Variants in PTPRG observed in about 807,000 individuals in gnomAD.
PTPRG encodes receptor-type tyrosine-protein phosphatase gamma.
PTPRG carries 102 observed loss-of-function variants against 165.3 expected under a neutral mutation model. That is an observed-to-expected ratio of 0.62 (90% CI 0.53 to 0.73). The LOEUF is 0.73. Among genes scored for constraint, PTPRG ranks in the 30% least tolerant of loss-of-function variants. PTPRG has a pLI of 0.00. For missense variants in PTPRG, 1,866 were observed against 1,861.4 expected (o/e 1.00, Z -0.05); for synonymous variants, 675 against 669.5 (o/e 1.01, Z -0.13).
chr3:61,666,498 C>G (rs927969588), intron 1 of PTPRG, among the ~76,000 whole-genome samples: 12 of 152,328 alleles, frequency 7.9e-5, no homozygotes, highest in Admixed American at 1.3e-4. Context: ...CCTAGCCTCT[C>G]TGTGCCATCT....
At chr3:61,941,548 A>T (rs1484270893) in intron 2 of PTPRG, among the ~76,000 whole-genome samples, 1 of 152,134 alleles carries the variant, frequency 6.6e-6, no homozygotes, top group African/African-American at 2.4e-5. Flanking sequence ...TCTTGAACCC[A>T]GGAGGCGGAG....
chr3:62,154,655 G>C (rs879267798), intron 6 of PTPRG, among the ~76,000 whole-genome samples: 1 of 152,130 alleles, frequency 6.6e-6, no homozygotes, highest in African/African-American at 2.4e-5. Flanking sequence ...TGGGGGCTCG[G>C]CTGCCAGGGG....
At chr3:61,690,370 C>T (rs1476035540) in intron 1 of PTPRG, among the ~76,000 whole-genome samples, 2 of 152,282 alleles carry the variant, frequency 1.3e-5, no homozygotes, top group Non-Finnish European at 2.9e-5. Flanking sequence ...TCACTTGCTG[C>T]TTTTCTCCAG....
In PTPRG at chr3:62,121,412, T is replaced by C. The variant is rs141967517; in HGVS notation, c.616-11190T>C. Among the ~76,000 whole-genome samples, 337 of 152,242 alleles carry C rather than the reference T, an allele frequency of 2.2e-3. 2 individuals are homozygous for C. The highest frequency in any genetic ancestry group is 7.6e-3 in the African/African-American group (315 of 41,518). On this transcript the variant is annotated intron_variant, in intron 5 of 29. Transcript: ENST00000474889. ...GATCTCAACATTACATATGAGGAAA[T>C]TGAGGCACAACTAGATTGTAATTCA...
At chr3:62,104,747 TG>T (rs1396330793) in intron 5 of PTPRG, among the ~76,000 whole-genome samples, 1 of 152,240 alleles carries the variant, frequency 6.6e-6, no homozygotes, top group Non-Finnish European at 1.5e-5. Context: ...GACCTTCCCA[TG>T]TGCATTACTA....
intron 2 of PTPRG, among the ~76,000 whole-genome samples, chr3:61,933,690 C>G (rs958776586): frequency 3.3e-5 from 5 of 151,620 alleles, no homozygotes; most frequent in African/African-American, 1.2e-4. Context: ...GACGCCCCTT[C>G]CACTGCTCTC....
chr3:61,873,122 T>G (rs2037628258), intron 2 of PTPRG, among the ~76,000 whole-genome samples: 1 of 152,204 alleles, frequency 6.6e-6, no homozygotes, highest in South Asian at 2.1e-4. Flanking sequence ...ATTTCTATGC[T>G]GTTAGGATCA....
chr3:61,767,971 CAAAAAA>C (rs35466366), intron 2 of PTPRG, among the ~76,000 whole-genome samples: 3 of 104,184 alleles, frequency 2.9e-5, no homozygotes, highest in Admixed American at 1.1e-4. Flanking sequence ...GACCCTGTCT[CAAAAAA>C]AAAAAAAAAA....
intron 2 of PTPRG, among the ~76,000 whole-genome samples, chr3:61,960,235 C>T (rs1311728496): frequency 6.6e-6 from 1 of 151,940 alleles, no homozygotes; most frequent in East Asian, 1.9e-4. Flanking sequence ...GATCTCGGTG[C>T]TTGGTATCCA....
chr3:62,062,416 C>T (rs1700847037), intron 4 of PTPRG, among the ~76,000 whole-genome samples: 1 of 152,014 alleles, frequency 6.6e-6, no homozygotes, highest in East Asian at 1.9e-4. Context: ...GTGTTCACAG[C>T]AAAATTCTTT....
At chr3:61,589,204 GC>G (rs759691788) in intron 1 of PTPRG, among the ~76,000 whole-genome samples, 35 of 152,098 alleles carry the variant, frequency 2.3e-4, no homozygotes, top group Non-Finnish European at 4.3e-4. Context: ...TATTGAAATA[GC>G]CGTATCTGTT....
At chr3:61,590,599 T>G (rs1174938033) in intron 1 of PTPRG, among the ~76,000 whole-genome samples, 1 of 152,210 alleles carries the variant, frequency 6.6e-6, no homozygotes, top group Non-Finnish European at 1.5e-5. Flanking sequence ...TGTTGACTAC[T>G]TCCCTCTTGT....
chr3:62,083,285 A>G (rs1216535840), intron 5 of PTPRG, among the ~76,000 whole-genome samples: 1 of 148,044 alleles, frequency 6.8e-6, no homozygotes, highest in Middle Eastern at 3.2e-3. Flanking sequence ...CTTTTTGTGG[A>G]GAACGGGGTC....
Position 62,203,178 on chromosome 3 carries a change from A to T in PTPRG, c.1383A>T (p.Thr461=). The change falls in exon 12 of 30, where the codon ACA becomes ACT. Residue 461 remains threonine, a synonymous_variant. Coordinates refer to ENST00000474889, the MANE Select transcript of PTPRG (RefSeq NM_002841.4). This position sits in a 1 kb window ranked among gnomAD's most constrained non-coding sequence, Gnocchi z 6.4. ...GTRIVKTGVP[T]ASPASSADMA... ...TGCCGGGTGACCCTTTCCAGCCCACAGCGTCTCCTGCCTCTTCAGCCGACA... is the reference window on the plus strand; with the variant it reads ...TGCCGGGTGACCCTTTCCAGCCCACTGCGTCTCCTGCCTCTTCAGCCGACA... 1 of 1,583,024 alleles carries T rather than the reference A, an allele frequency of 6.3e-7. No individual in the cohort carries two copies.
intron 2 of PTPRG, among the ~76,000 whole-genome samples, chr3:61,859,553 C>T (rs2037202304): frequency 6.6e-6 from 1 of 151,850 alleles, no homozygotes; most frequent in South Asian, 2.1e-4. Flanking sequence ...CTATGAGCCC[C>T]CAGGACAATT....
At chr3:61,679,705 C>T (rs1053712537) in intron 1 of PTPRG, among the ~76,000 whole-genome samples, 7 of 152,126 alleles carry the variant, frequency 4.6e-5, no homozygotes, top group Admixed American at 6.5e-5. Context: ...TACTTGAACC[C>T]GGGAGGTAGA....
intron 19 of PTPRG, 48 bp from the exon 20 acceptor site, chr3:62,268,987 T>C: frequency 6.7e-7 from 1 of 1,491,644 alleles, no homozygotes; most frequent in Non-Finnish European, 9.0e-7. Context: ...ATCAACAGAA[T>C]TGTGGCATAG....
At chr3:62,223,582 A>C (rs1700696030) in intron 13 of PTPRG, among the ~76,000 whole-genome samples, 1 of 152,188 alleles carries the variant, frequency 6.6e-6, no homozygotes, top group Non-Finnish European at 1.5e-5. Flanking sequence ...TTCTCCACCA[A>C]CTTCGGTTTC....
intron 6 of PTPRG, among the ~76,000 whole-genome samples, chr3:62,149,778 A>C (rs77429441): frequency 0.011 from 1,688 of 152,236 alleles, 31 homozygotes; most frequent in African/African-American, 0.038. Flanking sequence ...TGCTGACTCC[A>C]TGTCTAGTGT....
Sources: gnomAD v4.1 joint callset for allele counts (sites outside exome capture counted in the v4.1 genomes callset) on GRCh38, gnomAD v4.1.1 for gene constraint, Gnocchi (gnomAD v3.1) non-coding constraint, MANE v1.5 for transcripts, NCBI Gene and HGNC (gene_info 2026-07-23, HGNC 2026-07-21) for gene names.